The following TXNDC2 variants were observed in gnomAD, a reference collection of about 807,000 sequenced individuals.
TXNDC2 encodes the protein thioredoxin domain-containing protein 2.
A neutral mutation model predicts 0.4 loss-of-function variants in TXNDC2; 1 was observed. The observed-to-expected ratio is 2.30, with a 90% confidence interval of 0.82 to 10.89. The LOEUF (loss-of-function observed/expected upper bound fraction) is 10.89. Among genes scored for constraint, TXNDC2 ranks in the 30% most tolerant of loss-of-function variants. The pLI is 0.12. For missense variants in TXNDC2, 509 were observed against 579.8 expected, an observed-to-expected ratio of 0.88 and a Z score of 1.25; for synonymous variants, 183 against 224.6, an observed-to-expected ratio of 0.81 and a Z score of 1.66.
chr18:9,888,249 G>A lies in TXNDC2; in HGVS notation c.*108G>A. ...TATAACAAAAGTGTATGTCCAAATGGCACTGCTTGTACATGATAATATTAA... is the reference window on the plus strand; with the variant it reads ...TATAACAAAAGTGTATGTCCAAATGACACTGCTTGTACATGATAATATTAA... On this transcript the variant is annotated 3_prime_UTR_variant, in exon 2 of 2. Coordinates refer to ENST00000357775, the MANE Select transcript of TXNDC2 (RefSeq NM_032243.6). 1.2e-6 allele frequency: 1 copy of A among 857,426 alleles called. No individual in the cohort carries two copies. The highest frequency in any genetic ancestry group is 1.8e-5 in the South Asian group (1 of 54,780). 53.1% of individuals were successfully genotyped at this position (857,426 alleles called of 1,614,324 possible).
rs759484639 is a variant in TXNDC2, at chr18:9,887,584, C to G, written c.904C>G (p.Pro302Ala). The G allele has an allele frequency of 6.3e-7, 1 of 1,594,602 alleles. No homozygotes were observed. The highest frequency in any genetic ancestry group is 8.6e-7 in the Non-Finnish European group (1 of 1,169,466). Residue 302 changes from proline to alanine, a missense_variant, in exon 2 of 2, where the codon CCC becomes GCC. Coordinates refer to ENST00000357775, the MANE Select transcript of TXNDC2 (RefSeq NM_032243.6). ...IPKSPEEAIQ[P>A]KEGDIPKSPK... ...CAAGTCCCCAGAAGAAGCCATCCAG[C>G]CCAAGGAGGGTGACATTCCCAAGTC...
chr18:9,886,806 A>G lies in TXNDC2; in HGVS notation c.126A>G (p.Glu42=), dbSNP rs1306632427. Residue 42 remains glutamate, a synonymous_variant, in exon 2 of 2, where the codon GAA becomes GAG. Coordinates refer to ENST00000357775, the MANE Select transcript of TXNDC2 (RefSeq NM_032243.6). ...AGGATGACAGCCCCAAGTCCTCAGA[A>G]GAAACCATCCAGCCCAAGGAGGGTG... ...PKQDDSPKSS[E]ETIQPKEGDI... The G allele has an allele frequency of 1.2e-6, 2 of 1,614,016 alleles. No individual in the cohort carries two copies. The highest frequency in any genetic ancestry group is 2.2e-5 in the East Asian group (1 of 44,868).
At chr18:9,886,170 C>T in intron 1 of TXNDC2, 90 bp downstream of exon 1, 1 of 1,613,148 alleles carries the variant, frequency 6.2e-7, no homozygotes, top group African/African-American at 1.3e-5. Context: ...TATGAAGGAT[C>T]AGGAATGGAT....
Position 9,887,968 on chromosome 18 carries a change from C to T in TXNDC2, c.1288C>T (p.His430Tyr). The T allele has an allele frequency of 6.2e-7, 1 of 1,614,178 alleles. No individual in the cohort carries two copies. Among genetic ancestry groups the T allele is most frequent in the African/African-American group, 1.3e-5 (1 of 75,038 alleles). Reference protein sequence around the residue: ...RPFFHALSVKHEDVVFLEVDA... With the variant: ...RPFFHALSVKYEDVVFLEVDA... ...ATTCTTCCATGCCCTGTCTGTGAAGCATGAGGATGTGGTGTTCCTGGAGGT... is the reference window on the plus strand; with the variant it reads ...ATTCTTCCATGCCCTGTCTGTGAAGTATGAGGATGTGGTGTTCCTGGAGGT... The change falls in exon 2 of 2, where the codon CAT becomes TAT. Residue 430 changes from histidine (H) to tyrosine (Y), a missense_variant. Coordinates refer to ENST00000357775, the MANE Select transcript of TXNDC2 (RefSeq NM_032243.6).
At position 9,886,829 on chromosome 18, in the gene TXNDC2, G is replaced by A. The variant is rs200505542; in HGVS notation, c.149G>A (p.Gly50Asp). Residue 50 changes from glycine to aspartate, a missense_variant, in exon 2 of 2, where the codon GGT becomes GAT. Gly to Asp is a moderately conservative substitution (Grantham distance 94, BLOSUM62 -1). Transcript: ENST00000357775. ...GAAGAAACCATCCAGCCCAAGGAGGGTGACATCCCCAAGGCCCCAGAAGAA... is the reference window on the plus strand; with the variant it reads ...GAAGAAACCATCCAGCCCAAGGAGGATGACATCCCCAAGGCCCCAGAAGAA... ...SSEETIQPKE[G>D]DIPKAPEETI... 6.2e-7 allele frequency: 1 copy of A among 1,613,676 alleles called. No individual in the cohort carries two copies. Among genetic ancestry groups the A allele is most frequent in the Admixed American group, 1.7e-5 (1 of 59,950 alleles).
Position 9,886,082 on chromosome 18 carries a change from T to A in TXNDC2, c.-93+2T>A. On this transcript the variant is annotated splice_donor_variant, in intron 1 of 1. Coordinates refer to ENST00000357775, the MANE Select transcript of TXNDC2 (RefSeq NM_032243.6). LOFTEE classifies it low-confidence loss of function (5UTR_SPLICE). Reference sequence around the variant, plus strand: ...CCAACTGTAACGTGCCACCCAAATGTAAGTTTTACTCATATTTTGATGTTA... The same window carrying A: ...CCAACTGTAACGTGCCACCCAAATGAAAGTTTTACTCATATTTTGATGTTA... 1 of 999,906 alleles carries A rather than the reference T, an allele frequency of 1.0e-6. No homozygotes were observed. The highest frequency in any genetic ancestry group is 1.5e-6 in the Non-Finnish European group (1 of 657,574). 61.9% of individuals were successfully genotyped at this position (999,906 alleles called of 1,614,324 possible).
Position 9,886,878 on chromosome 18 carries a change from C to T in TXNDC2, c.198C>T (p.Asp66=), listed in dbSNP as rs775030312. ...AAACCATCCAATCCAAGAAGGAGGA[C>T]CTCCCCAAGTCCTCAGAAAAAGCCA... ...PEETIQSKKE[D]LPKSSEKAIQ... Residue 66 remains aspartate (D), a synonymous_variant, in exon 2 of 2, where the codon GAC becomes GAT. Transcript: ENST00000357775. 6.2e-7 allele frequency: 1 copy of T among 1,604,866 alleles called. No individual in the cohort carries two copies. Among genetic ancestry groups the T allele is most frequent in the Non-Finnish European group, 8.5e-7 (1 of 1,174,756 alleles).
In TXNDC2 at chr18:9,887,125, C is replaced by T. The variant is rs147948919; in HGVS notation, c.445C>T (p.Pro149Ser). The change falls in exon 2 of 2, where the codon CCC becomes TCC. Residue 149 changes from proline to serine, a missense_variant. By Grantham distance (74) the Pro-to-Ser change is moderately conservative. Around this residue, in one of 5 missense-constraint regions of TXNDC2, gnomAD observed 187 missense variants for 218.0 expected, o/e 0.86. Coordinates refer to ENST00000357775, the MANE Select transcript of TXNDC2 (RefSeq NM_032243.6). ...TGACATCCCCAAGTCCTCAGCAAAACCCATCCAGCCCAAGCTGGGCAATAT... is the reference window on the plus strand; with the variant it reads ...TGACATCCCCAAGTCCTCAGCAAAATCCATCCAGCCCAAGCTGGGCAATAT... ...EGDIPKSSAK[P>S]IQPKLGNIAK... is the part of the protein sequence containing the mutation. The T allele has an allele frequency of 1.4e-4, 225 of 1,586,308 alleles. No homozygotes were observed. The highest frequency in any genetic ancestry group is 1.7e-4 in the Non-Finnish European group (197 of 1,165,088).
In TXNDC2 at chr18:9,887,605, A is replaced by C. The variant is rs1479974621; in HGVS notation, c.925A>C (p.Lys309Gln). Residue 309 changes from lysine to glutamine, a missense_variant, in exon 2 of 2, where the codon AAG becomes CAG. Lys to Gln is a moderately conservative substitution (Grantham distance 53). Transcript: ENST00000357775. Reference protein sequence around the residue: ...AIQPKEGDIPKSPKQAIQPKE... With the variant: ...AIQPKEGDIPQSPKQAIQPKE... ...CCAGCCCAAGGAGGGTGACATTCCC[A>C]AGTCTCCAAAACAAGCCATCCAGCC... 6.2e-7 allele frequency: 1 copy of C among 1,604,000 alleles called. No individual in the cohort carries two copies. Among genetic ancestry groups the C allele is most frequent in the Admixed American group, 1.7e-5 (1 of 58,282 alleles).
intron 1 of TXNDC2, 158 bp downstream of exon 1, chr18:9,886,238 A>C (rs1318948542): frequency 6.2e-7 from 1 of 1,613,982 alleles, no homozygotes; most frequent in Non-Finnish European, 8.5e-7. Context: ...AAAACCAGAA[A>C]TGAGGCTGGG....
rs1200029684 is a variant in TXNDC2 at position 9,888,007 on chromosome 18, T to C, written c.1327T>C (p.Cys443Arg). ...VVFLEVDADN[C>R]EEVVRECAIM... ...GTTCCTGGAGGTGGACGCTGACAAC[T>C]GTGAGGAGGTGGTGAGAGAGTGCGC... is the stretch of plus-strand genomic sequence containing the variant. Residue 443 changes from cysteine (C) to arginine (R), a missense_variant, in exon 2 of 2, where the codon TGT becomes CGT. By Grantham distance (180) the Cys-to-Arg change is radical. Around this residue, in one of 5 missense-constraint regions of TXNDC2, gnomAD observed 229 missense variants for 243.8 expected, o/e 0.94. Coordinates refer to ENST00000357775, the MANE Select transcript of TXNDC2 (RefSeq NM_032243.6). 2.5e-6 allele frequency: 4 copies of C among 1,613,984 alleles called. No individual in the cohort carries two copies. The highest frequency in any genetic ancestry group is 3.3e-5 in the Admixed American group (2 of 59,986).
chr18:9,886,242 G>A, intron 1 of TXNDC2, 162 bp downstream of exon 1: 1 of 1,614,070 alleles, frequency 6.2e-7, no homozygotes, highest in Non-Finnish European at 8.5e-7. Context: ...CCAGAAATGA[G>A]GCTGGGCACT....
At position 9,887,774 on chromosome 18, in the gene TXNDC2, G is replaced by C; in HGVS notation, c.1094G>C (p.Gly365Ala). 6.2e-7 allele frequency: 1 copy of C among 1,613,740 alleles called. No individual in the cohort carries two copies. ...SLEEATPSKE[G>A]DILKPEEETM... Reference sequence around the variant, plus strand: ...GAAGAAGCCACCCCATCCAAGGAGGGTGACATCCTAAAGCCTGAAGAAGAA... The same window carrying C: ...GAAGAAGCCACCCCATCCAAGGAGGCTGACATCCTAAAGCCTGAAGAAGAA... Residue 365 changes from glycine (G) to alanine (A), a missense_variant, in exon 2 of 2, where the codon GGT becomes GCT. This residue lies in a region of TXNDC2 where 229 missense variants were observed against 243.8 expected (regional missense o/e 0.94). Coordinates refer to ENST00000357775, the MANE Select transcript of TXNDC2 (RefSeq NM_032243.6).
rs971735625 is a variant in TXNDC2 at position 9,889,143 on chromosome 18, C to T, written c.*1002C>T. 1.3e-5 allele frequency: 2 copies of T among 152,094 alleles called. No homozygotes were observed. Among genetic ancestry groups the T allele is most frequent in the East Asian group, 3.9e-4 (2 of 5,188 alleles). 9.4% of individuals were successfully genotyped at this position (152,094 alleles called of 1,614,324 possible). ...TTTTAAAAATGAATAAAACCAGCTT[C>T]ATTAGGTATAATTGATATACAAAGA... is the stretch of plus-strand genomic sequence containing the variant. On this transcript the variant is annotated 3_prime_UTR_variant, in exon 2 of 2. Transcript: ENST00000357775.
chr18:9,886,677 C>A lies in TXNDC2; in HGVS notation c.-4C>A, dbSNP rs764751308. ...CCCAGGCCAAAGAGAAGGCCTTTCT[C>A]CCCATGGTCAGCCACACGTTCCACA... On this transcript the variant is annotated 5_prime_UTR_variant, in exon 2 of 2. Coordinates refer to ENST00000357775, the MANE Select transcript of TXNDC2 (RefSeq NM_032243.6). 6.2e-7 allele frequency: 1 copy of A among 1,614,140 alleles called. No homozygotes were observed. Among genetic ancestry groups the A allele is most frequent in the Non-Finnish European group, 8.5e-7 (1 of 1,180,008 alleles).
Position 9,887,893 on chromosome 18 carries a change from G to A in TXNDC2, c.1213G>A (p.Ala405Thr). 6.2e-7 allele frequency: 1 copy of A among 1,613,106 alleles called. No homozygotes were observed. Among genetic ancestry groups the A allele is most frequent in the Non-Finnish European group, 8.5e-7 (1 of 1,179,224 alleles). ...SLKEAGERLV[A>T]VDFSATWCGP... is the part of the protein sequence containing the mutation. ...GAAGGAGGCCGGGGAGAGGCTGGTG[G>A]CTGTGGACTTCTCGGCCACGTGGTG... The change falls in exon 2 of 2, where the codon GCT (alanine) becomes ACT (threonine). Residue 405 changes from alanine to threonine, a missense_variant. Ala to Thr is a moderately conservative substitution (Grantham distance 58). Around this residue, in one of 5 missense-constraint regions of TXNDC2, gnomAD observed 229 missense variants for 243.8 expected, o/e 0.94. Transcript: ENST00000357775.
In TXNDC2 at chr18:9,888,124, A is replaced by G. The variant is rs868432414; in HGVS notation, c.1444A>G (p.Ile482Val). ...GALKEKLEAV[I>V]AELK is the part of the protein sequence containing the mutation. ...CCTTAAGGAAAAACTTGAAGCAGTC[A>G]TTGCAGAATTAAAGTAAACATGTAT... The change falls in exon 2 of 2, where the codon ATT becomes GTT. Residue 482 changes from isoleucine to valine, a missense_variant. Ile to Val is a conservative substitution (Grantham distance 29). Coordinates refer to ENST00000357775, the MANE Select transcript of TXNDC2 (RefSeq NM_032243.6). 1.2e-6 allele frequency: 2 copies of G among 1,611,502 alleles called. No homozygotes were observed. The highest frequency in any genetic ancestry group is 1.7e-6 in the Non-Finnish European group (2 of 1,178,476).
At position 9,887,637 on chromosome 18, in the gene TXNDC2, G is replaced by A. The variant is rs369376747; in HGVS notation, c.957G>A (p.Glu319=). ...CAAAACAAGCCATCCAGCCCAAGGA[G>A]GGTGACATTCCCAAGTCCCTAGAGG... The part of the protein sequence containing the change: ...KSPKQAIQPK[E]GDIPKSLEEA... Residue 319 remains glutamate, a synonymous_variant, in exon 2 of 2, where the codon GAG becomes GAA. Coordinates refer to ENST00000357775, the MANE Select transcript of TXNDC2 (RefSeq NM_032243.6). The A allele has an allele frequency of 1.1e-5, 18 of 1,607,846 alleles. No homozygotes were observed. The highest frequency in any genetic ancestry group is 1.3e-5 in the African/African-American group (1 of 74,430).
rs1296818440 is a variant in TXNDC2 at position 9,887,592 on chromosome 18, G to A, written c.912G>A (p.Glu304=). The A allele has an allele frequency of 6.2e-7, 1 of 1,603,018 alleles. No homozygotes were observed. Among genetic ancestry groups the A allele is most frequent in the Non-Finnish European group, 8.5e-7 (1 of 1,174,690 alleles). ...KSPEEAIQPK[E]GDIPKSPKQA... ...CAGAAGAAGCCATCCAGCCCAAGGAGGGTGACATTCCCAAGTCTCCAAAAC... is the reference window on the plus strand; with the variant it reads ...CAGAAGAAGCCATCCAGCCCAAGGAAGGTGACATTCCCAAGTCTCCAAAAC... The change falls in exon 2 of 2, where the codon GAG becomes GAA. Residue 304 remains glutamate, a synonymous_variant. Coordinates refer to ENST00000357775, the MANE Select transcript of TXNDC2 (RefSeq NM_032243.6).
Sources: gnomAD v4.1 joint callset for allele counts on GRCh38, gnomAD v4.1.1 for gene constraint, gnomAD v4.1.1 regional missense constraint, MANE v1.5 for transcripts, NCBI Gene and HGNC (gene_info 2026-07-23, HGNC 2026-07-21) for gene names.